The following CDH13 variants were observed in gnomAD, a reference collection of about 807,000 sequenced individuals.
The protein encoded by CDH13 is cadherin-13.
Under a neutral mutation model 63.8 loss-of-function variants are expected in CDH13, and 24 were observed. The ratio of observed to expected loss-of-function variants is 0.38; its 90% CI spans 0.27 to 0.53. The LOEUF is 0.53. Among genes scored for constraint, CDH13 ranks in the 20% least tolerant of loss-of-function variants. The probability of loss-of-function intolerance (pLI) is 0.85; values close to 1 mark genes in which losing one functional copy is unlikely to be tolerated. For synonymous variants in CDH13, 503 were observed against 355.3 expected, an observed-to-expected ratio of 1.42 and a Z score of -4.67; for missense variants, 1,049 against 903.1, an observed-to-expected ratio of 1.16 and a Z score of -2.07.
intron 2 of CDH13, among the ~76,000 whole-genome samples, chr16:82,869,332 T>C (rs2040263610): frequency 6.6e-6 from 1 of 151,930 alleles, no homozygotes; most frequent in East Asian, 1.9e-4. Context: ...TGTGAACCAC[T>C]GCGCTCAGCG....
intron 3 of CDH13, among the ~76,000 whole-genome samples, chr16:83,087,777 G>A (rs947852947): frequency 1.4e-5 from 2 of 145,216 alleles, no homozygotes; most frequent in African/African-American, 5.1e-5. Flanking sequence ...ACCTAATGAT[G>A]TTTATTTTCA....
intron 3 of CDH13, among the ~76,000 whole-genome samples, chr16:83,060,982 A>G (rs1470413164): frequency 6.6e-6 from 1 of 152,130 alleles, no homozygotes; most frequent in African/African-American, 2.4e-5. Context: ...TCTCACTCCT[A>G]CACTCCTGCA....
At chr16:83,562,053 G>A (rs2075719129) in intron 7 of CDH13, among the ~76,000 whole-genome samples, 1 of 152,186 alleles carries the variant, frequency 6.6e-6, no homozygotes, top group Admixed American at 6.5e-5. Context: ...TCAGGACCTT[G>A]GAGAGCTCAT....
At chr16:83,300,556 C>A (rs1372546760) in intron 5 of CDH13, among the ~76,000 whole-genome samples, 1 of 152,186 alleles carries the variant, frequency 6.6e-6, no homozygotes, top group Non-Finnish European at 1.5e-5. Flanking sequence ...CAAACGTATA[C>A]AAACAAATCT....
At chr16:83,366,494 C>T (rs949736026) in intron 6 of CDH13, among the ~76,000 whole-genome samples, 1 of 152,142 alleles carries the variant, frequency 6.6e-6, no homozygotes, top group Non-Finnish European at 1.5e-5. Flanking sequence ...CTCGCTTTCC[C>T]AGAGTAGACA....
chr16:83,607,925 AG>A (rs2096964440), intron 8 of CDH13, among the ~76,000 whole-genome samples: 1 of 152,206 alleles, frequency 6.6e-6, no homozygotes, highest in African/African-American at 2.4e-5. Context: ...ATTAAAAAAA[AG>A]ATTTCTGATT....
chr16:83,581,967 G>A (rs1905650562), intron 7 of CDH13, among the ~76,000 whole-genome samples: 1 of 152,148 alleles, frequency 6.6e-6, no homozygotes, highest in African/African-American at 2.4e-5. Context: ...TAGGATGAGG[G>A]CATCTTTGTG....
intron 1 of CDH13, among the ~76,000 whole-genome samples, chr16:82,672,409 C>T (rs1294450210): frequency 2.0e-5 from 3 of 152,208 alleles, no homozygotes; most frequent in Middle Eastern, 3.4e-3. Flanking sequence ...ACCTTAAACT[C>T]GGTACATCTA....
At chr16:83,203,029 C>T (rs370217361) in intron 4 of CDH13, among the ~76,000 whole-genome samples, 12 of 151,720 alleles carry the variant, frequency 7.9e-5, no homozygotes, top group Admixed American at 3.3e-4. Flanking sequence ...AGTTCGAGAC[C>T]AGCCTGACCA....
chr16:82,972,691 G>T (rs1330651083), intron 2 of CDH13, among the ~76,000 whole-genome samples: 1 of 152,176 alleles, frequency 6.6e-6, no homozygotes, highest in Non-Finnish European at 1.5e-5. Context: ...AATATTATGT[G>T]TGGTAGATTG....
At chr16:82,951,020 C>G (rs1219853147) in intron 2 of CDH13, among the ~76,000 whole-genome samples, 1 of 152,164 alleles carries the variant, frequency 6.6e-6, no homozygotes, top group Non-Finnish European at 1.5e-5. Context: ...TCCTGAATTT[C>G]ACATCTTCGA....
intron 3 of CDH13, among the ~76,000 whole-genome samples, chr16:83,117,478 C>T (rs1293914498): frequency 6.6e-6 from 1 of 152,054 alleles, no homozygotes; most frequent in African/African-American, 2.4e-5. Context: ...ACTTCCAGCC[C>T]TCCTCCCTGC....
intron 3 of CDH13, among the ~76,000 whole-genome samples, chr16:83,105,828 G>A (rs2034736565): frequency 6.6e-6 from 1 of 152,192 alleles, no homozygotes; most frequent in South Asian, 2.1e-4. Context: ...GTGTATCTGT[G>A]TTATCAGGCA....
At chr16:82,967,659 A>C (rs55957343) in intron 2 of CDH13, among the ~76,000 whole-genome samples, 1 of 151,676 alleles carries the variant, frequency 6.6e-6, no homozygotes, top group African/African-American at 2.4e-5. Context: ...GAGAACAGAG[A>C]CCCCCCCAGC....
chr16:83,778,263 C>T (rs1255611208), intron 11 of CDH13, among the ~76,000 whole-genome samples: 1 of 152,206 alleles, frequency 6.6e-6, no homozygotes, highest in African/African-American at 2.4e-5. Flanking sequence ...GGCACAATGG[C>T]TCATGCCTGT....
intron 3 of CDH13, among the ~76,000 whole-genome samples, chr16:83,115,076 C>G (rs1016843486): frequency 6.6e-6 from 1 of 152,164 alleles, no homozygotes; most frequent in African/African-American, 2.4e-5. Flanking sequence ...TCTAGTTATA[C>G]CTGAATAAAT....
At chr16:83,667,225 C>A (rs1285154969) in intron 8 of CDH13, among the ~76,000 whole-genome samples, 1 of 152,164 alleles carries the variant, frequency 6.6e-6, no homozygotes, top group African/African-American at 2.4e-5. Context: ...CCTAGCACAT[C>A]AGCCCCTTTC....
intron 2 of CDH13, among the ~76,000 whole-genome samples, chr16:83,004,497 G>T (rs1913272843): frequency 1.3e-5 from 2 of 152,058 alleles, no homozygotes; most frequent in African/African-American, 4.8e-5. Context: ...CCCCTGTTTT[G>T]TTTTGTTTTG....
chr16:83,225,892 T>G (rs2039824156), intron 5 of CDH13, among the ~76,000 whole-genome samples: 1 of 152,198 alleles, frequency 6.6e-6, no homozygotes, highest in South Asian at 2.1e-4. Context: ...CAGCTAGGTG[T>G]GTGTTTGAAT....
Sources: allele counts gnomAD v4.1 joint callset (sites outside exome capture counted in the v4.1 genomes callset), GRCh38; gene constraint gnomAD v4.1.1; transcripts MANE v1.5; gene names NCBI Gene and HGNC (gene_info 2026-07-23, HGNC 2026-07-21).